The following NEGR1 variants were observed in gnomAD, a reference collection of about 807,000 sequenced individuals.
NEGR1 encodes the protein neuronal growth regulator 1, also known as IgLON family member 4.
In NEGR1, 10 loss-of-function variants were observed where a neutral mutation model predicts 40.9. That is an observed-to-expected ratio of 0.24 (90% confidence interval 0.15 to 0.42). The LOEUF is 0.42. Among genes scored for constraint, NEGR1 ranks in the 10% least tolerant of loss-of-function variants. NEGR1 has a pLI of 1.00. For missense variants in NEGR1, 352 were observed against 438.9 expected (o/e 0.80, Z 1.77); for synonymous variants, 185 against 166.8 (o/e 1.11, Z -0.84).
intron 2 of NEGR1, among the ~76,000 whole-genome samples, chr1:71,811,436 C>A (rs1657996567): frequency 6.6e-6 from 1 of 151,988 alleles, no homozygotes; most frequent in African/African-American, 2.4e-5. Context: ...ATGTCACCTC[C>A]TTTCCTAACC....
chr1:71,559,323 T>G (rs1244608068), intron 6 of NEGR1, among the ~76,000 whole-genome samples: 1 of 151,508 alleles, frequency 6.6e-6, no homozygotes, highest in East Asian at 1.9e-4. Context: ...TTTTAATCTT[T>G]AGTCTTACAT....
chr1:72,000,837 G>T (rs1646550774), intron 1 of NEGR1, among the ~76,000 whole-genome samples: 1 of 152,084 alleles, frequency 6.6e-6, no homozygotes, highest in Non-Finnish European at 1.5e-5. Context: ...AAAGAGGAAA[G>T]AAAAAACCTG....
At chr1:71,446,273 C>G (rs1646582169) in intron 6 of NEGR1, among the ~76,000 whole-genome samples, 1 of 152,026 alleles carries the variant, frequency 6.6e-6, no homozygotes, top group Non-Finnish European at 1.5e-5. Context: ...AGTTGTGTAC[C>G]AAATAGATTC....
At chr1:71,789,501 C>A (rs1269043377) in intron 2 of NEGR1, among the ~76,000 whole-genome samples, 1 of 152,016 alleles carries the variant, frequency 6.6e-6, no homozygotes, top group Non-Finnish European at 1.5e-5. Flanking sequence ...TGCCACTTCT[C>A]CCTTTTGGCT....
In NEGR1 at chr1:71,935,211, T is replaced by C. The variant is rs1337246307; in HGVS notation, c.277A>G (p.Ile93Val). The change falls in exon 2 of 7, where the codon ATT (isoleucine) becomes GTT (valine). Residue 93 changes from isoleucine (I) to valine (V), a missense_variant. By Grantham distance (29) the Ile-to-Val change is conservative. This residue lies in a region of NEGR1 where 30 missense variants were observed against 64.4 expected (regional missense o/e 0.47). Transcript: ENST00000357731. Reference protein sequence around the residue: ...DKWSVDPRVSISTLNKRDYSL... With the variant: ...DKWSVDPRVSVSTLNKRDYSL... ...TAGTCCCTTTTATTCAATGTTGAAATTGAAACTCGAGGATCCACTGACCAC... is the reference window on the plus strand; with the variant it reads ...TAGTCCCTTTTATTCAATGTTGAAACTGAAACTCGAGGATCCACTGACCAC... 27 of 1,613,814 alleles carry C rather than the reference T, an allele frequency of 1.7e-5. No individual in the cohort carries two copies. The highest frequency in any genetic ancestry group is 2.3e-5 in the Non-Finnish European group (27 of 1,179,884).
At chr1:72,035,638 C>A (rs191939857) in intron 1 of NEGR1, among the ~76,000 whole-genome samples, 2 of 152,076 alleles carry the variant, frequency 1.3e-5, no homozygotes, top group East Asian at 3.9e-4. Flanking sequence ...TCAGTGGTAC[C>A]TTTGGGTGAA....
intron 1 of NEGR1, among the ~76,000 whole-genome samples, chr1:72,224,272 C>A (rs1018479916): frequency 4.0e-5 from 6 of 151,098 alleles, no homozygotes; most frequent in Non-Finnish European, 8.8e-5. Flanking sequence ...TAAGGATGAC[C>A]TGTAAGAAAA....
At chr1:72,215,426 G>A (rs965161778) in intron 1 of NEGR1, among the ~76,000 whole-genome samples, 1 of 152,012 alleles carries the variant, frequency 6.6e-6, no homozygotes, top group African/African-American at 2.4e-5. Flanking sequence ...GAGTGGACAG[G>A]CAACCTACAG....
chr1:71,476,439 A>T (rs756341154), intron 6 of NEGR1, among the ~76,000 whole-genome samples: 3 of 152,116 alleles, frequency 2.0e-5, no homozygotes, highest in Non-Finnish European at 4.4e-5. Flanking sequence ...TCTGGGAGGT[A>T]ATCTTGAAGT....
At chr1:71,461,947 T>C (rs1406420409) in intron 6 of NEGR1, 2 of 152,180 alleles carry the variant, frequency 1.3e-5, no homozygotes, top group East Asian at 3.9e-4. Flanking sequence ...ACAGCTCAAG[T>C]TGCCACAGTG....
chr1:71,475,885 A>T (rs1646816530), intron 6 of NEGR1, among the ~76,000 whole-genome samples: 1 of 152,002 alleles, frequency 6.6e-6, no homozygotes, highest in East Asian at 1.9e-4. Flanking sequence ...AGAGACTATA[A>T]TATCTTCAAT....
intron 6 of NEGR1, among the ~76,000 whole-genome samples, chr1:71,424,910 T>C (rs544539453): frequency 1.0e-3 from 157 of 152,316 alleles, no homozygotes; most frequent in Non-Finnish European, 1.7e-3. Context: ...TGTGAGACCA[T>C]ATGCAGAAAA....
intron 1 of NEGR1, among the ~76,000 whole-genome samples, chr1:72,135,404 C>CAAAAAAAAAAAAAAAAACAAAAAAA (rs562148946): frequency 6.1e-5 from 4 of 65,762 alleles, no homozygotes; most frequent in East Asian, 5.0e-4. Context: ...AAACAAAAAA[C>CAAAAAAAAAAAAAAAAACAAAAAAA]AAAAAAAAAA....
Position 71,928,556 on chromosome 1 carries a change from G to GTA in NEGR1, c.409+6521_409+6522dup, listed in dbSNP as rs1274601324. The stretch of plus-strand genomic sequence containing the variant: ...TATACACATATATATACACATATGT[G>GTA]TATATATATACCTATATATATTTTT... On this transcript the variant is annotated intron_variant, in intron 2 of 6. Transcript: ENST00000357731. Among the ~76,000 whole-genome samples, 40 of 144,154 alleles carry GTA rather than the reference G, an allele frequency of 2.8e-4. 1 individual carries two copies. The highest frequency in any genetic ancestry group is 8.9e-4 in the African/African-American group (35 of 39,196). 94.6% of individuals were successfully genotyped at this position (144,154 alleles called of 152,430 possible).
chr1:71,506,943 A>G (rs1410609950), intron 6 of NEGR1, among the ~76,000 whole-genome samples: 2 of 152,218 alleles, frequency 1.3e-5, no homozygotes. Flanking sequence ...CAGGCCCTAA[A>G]GCTCCTTGAA....
Position 71,504,811 on chromosome 1 carries a change from C to A in NEGR1, c.940+88006G>T, listed in dbSNP as rs1404372661. On this transcript the variant is annotated intron_variant, in intron 6 of 6. Transcript: ENST00000357731. ...TTAATTAGATTGAGACCAGAGCACA[C>A]TGAAGGGTCATTCTTATATGTTCCT... Among the ~76,000 whole-genome samples the A allele has an allele frequency of 2.6e-5, 4 of 152,094 alleles. No individual in the cohort carries two copies. The South Asian group carries it at 6.2e-4, about 24-fold the overall frequency.
At chr1:71,670,856 C>T (rs1255241726) in intron 4 of NEGR1, among the ~76,000 whole-genome samples, 1 of 151,878 alleles carries the variant, frequency 6.6e-6, no homozygotes, top group African/African-American at 2.4e-5. Flanking sequence ...TCAGCAGATG[C>T]CTAGAATAAA....
chr1:71,473,000 A>G (rs935392162), intron 6 of NEGR1, among the ~76,000 whole-genome samples: 1 of 152,056 alleles, frequency 6.6e-6, no homozygotes, highest in African/African-American at 2.4e-5. Flanking sequence ...AAAGTGATAA[A>G]ATAATTTTAA....
chr1:71,417,884 T>A (rs1406366458), intron 6 of NEGR1, among the ~76,000 whole-genome samples: 2 of 152,164 alleles, frequency 1.3e-5, no homozygotes, highest in African/African-American at 4.8e-5. Flanking sequence ...TGGCAGGAGA[T>A]CATGTGTATC....
Sources: gnomAD v4.1 joint callset for allele counts (sites outside exome capture counted in the v4.1 genomes callset) on GRCh38, gnomAD v4.1.1 for gene constraint, gnomAD v4.1.1 regional missense constraint, MANE v1.5 for transcripts, NCBI Gene and HGNC (gene_info 2026-07-23, HGNC 2026-07-21) for gene names.